SCUBE1: variants seen among roughly 807,000 people sequenced by gnomAD.
The protein encoded by SCUBE1 is signal peptide, CUB domain and EGF like domain containing 1, also known as signal peptide, CUB and EGF-like domain-containing protein 1.
Under a neutral mutation model 124.4 loss-of-function variants are expected in SCUBE1, and 59 were observed. That is an observed-to-expected ratio of 0.47 (90% CI 0.38 to 0.59). The LOEUF (loss-of-function observed/expected upper bound fraction) is 0.59. Among genes scored for constraint, SCUBE1 ranks in the 20% least tolerant of loss-of-function variants. SCUBE1 has a pLI of 0.00. For missense variants in SCUBE1, 1,150 were observed against 1,371.2 expected (o/e 0.84, Z 2.55); for synonymous variants, 545 against 550.9 (o/e 0.99, Z 0.15).
At chr22:43,222,423 C>T (rs967531401) in intron 12 of SCUBE1, among the ~76,000 whole-genome samples, 1 of 152,248 alleles carries the variant, frequency 6.6e-6, no homozygotes, top group Non-Finnish European at 1.5e-5. Flanking sequence ...AAGGGCCCTC[C>T]CACGGTCCCC....
In SCUBE1 at chr22:43,203,600, T is replaced by G. The variant is rs1422737951; in HGVS notation, c.*397A>C. 1 of 170,830 alleles carries G rather than the reference T, an allele frequency of 5.9e-6. No individual in the cohort carries two copies. The highest frequency in any genetic ancestry group is 1.3e-5 in the Non-Finnish European group (1 of 79,702). The allele number at this position is 170,830 out of a possible 1,614,324, so 10.6% of individuals were successfully genotyped here. A position where few individuals can be genotyped will look rare whatever the true frequency, so the allele number is the denominator to read the frequency against. On this transcript the variant is annotated 3_prime_UTR_variant, in exon 22 of 22. Transcript: ENST00000360835. ...ATCGACCTCCCCCAGACGGCGCCTT[T>G]GTCCCCTCCTCTCTCCCCTGGACTC...
At chr22:43,237,115 G>T (rs981968083) in intron 7 of SCUBE1, among the ~76,000 whole-genome samples, 2 of 145,448 alleles carry the variant, frequency 1.4e-5, no homozygotes, top group African/African-American at 5.1e-5. Flanking sequence ...GGTGGGGGGG[G>T]TTGGGGGGTT....
chr22:43,273,561 C>T (rs866433666), intron 4 of SCUBE1, among the ~76,000 whole-genome samples: 71 of 60,952 alleles, frequency 1.2e-3, no homozygotes, highest in Admixed American at 1.7e-3. Context: ...CTAAAACCCT[C>T]TTTTTTTTTT....
At chr22:43,274,005 T>C (rs1027032945) in intron 4 of SCUBE1, among the ~76,000 whole-genome samples, 5 of 152,184 alleles carry the variant, frequency 3.3e-5, no homozygotes, top group African/African-American at 1.2e-4. Flanking sequence ...GCTCCTCACC[T>C]GGAGCCCCTG....
At chr22:43,239,297 C>T (rs376275270) in intron 6 of SCUBE1, among the ~76,000 whole-genome samples, 7 of 152,332 alleles carry the variant, frequency 4.6e-5, no homozygotes, top group South Asian at 4.1e-4. Context: ...TTTAACTGCC[C>T]GAGGCTGGAT....
intron 4 of SCUBE1, chr22:43,270,140 A>G (rs932752674): frequency 2.6e-5 from 4 of 152,262 alleles, no homozygotes; most frequent in Admixed American, 2.6e-4. Flanking sequence ...AGTACTTCAC[A>G]CAAACTTTGT....
intron 8 of SCUBE1, among the ~76,000 whole-genome samples, chr22:43,231,054 G>C (rs550672007): frequency 1.3e-5 from 2 of 152,314 alleles, no homozygotes; most frequent in East Asian, 3.9e-4. Context: ...CTTTCTCCCA[G>C]TGTGGGGCCC....
intron 3 of SCUBE1, among the ~76,000 whole-genome samples, chr22:43,302,412 C>G (rs991775195): frequency 2.0e-5 from 3 of 152,312 alleles, no homozygotes; most frequent in Non-Finnish European, 4.4e-5. Flanking sequence ...GATCCCCTAC[C>G]GAACTACATT....
intron 10 of SCUBE1, among the ~76,000 whole-genome samples, chr22:43,226,121 G>T (rs1410468286): frequency 6.6e-6 from 1 of 152,080 alleles, no homozygotes; most frequent in African/African-American, 2.4e-5. Flanking sequence ...TGATTGTCAG[G>T]GTCTGTTCCA....
At chr22:43,310,308 G>A (rs898895692) in intron 3 of SCUBE1, among the ~76,000 whole-genome samples, 2 of 152,034 alleles carry the variant, frequency 1.3e-5, no homozygotes, top group African/African-American at 2.4e-5. Context: ...CCCTTACCCC[G>A]GGCAGACCTC....
intron 4 of SCUBE1, chr22:43,283,639 T>C (rs1223899214): frequency 6.6e-6 from 1 of 152,220 alleles, no homozygotes; most frequent in African/African-American, 2.4e-5. Flanking sequence ...TGGATCCGTA[T>C]GTCATAAATG....
chr22:43,198,523 G>A lies in SCUBE1; in HGVS notation c.*5474C>T, dbSNP rs1001098493. ...GTGCTGTGGGGGCAGAGGCAGCCGC[G>A]GTAGAATAGGAGGCGCTCTCTGCTC... On this transcript the variant is annotated 3_prime_UTR_variant, in exon 22 of 22. Coordinates refer to ENST00000360835, the MANE Select transcript of SCUBE1 (RefSeq NM_173050.5). The A allele has an allele frequency of 1.8e-5, 8 of 456,402 alleles. No homozygotes were observed. The highest frequency in any genetic ancestry group is 3.5e-5 in the Non-Finnish European group (8 of 226,866). 28.3% of individuals were successfully genotyped at this position (456,402 alleles called of 1,614,324 possible).
chr22:43,309,152 T>A (rs73166104), intron 3 of SCUBE1, among the ~76,000 whole-genome samples: 5,517 of 152,128 alleles, frequency 0.036, 159 homozygotes, highest in Middle Eastern at 0.11. Context: ...GGTATATCCA[T>A]TTTCCCTAAA....
Position 43,210,140 on chromosome 22 carries a change from G to C in SCUBE1, c.2484C>G (p.Ile828Met). ...YPANAECVWH[I>M]APPPKRRILI... is the part of the protein sequence containing the mutation. ...GGATCCTGCGCTTTGGGGGAGGCGC[G>C]ATGTGCCAGACGCATTCAGCGTTGG... Residue 828 changes from isoleucine to methionine, a missense_variant, in exon 19 of 22, where the codon ATC (isoleucine) becomes ATG (methionine). Coordinates refer to ENST00000360835, the MANE Select transcript of SCUBE1 (RefSeq NM_173050.5). The surrounding 1 kb of genome is among the most constrained non-coding windows in gnomAD (Gnocchi z 4.5). The C allele has an allele frequency of 6.2e-7, 1 of 1,612,216 alleles. No homozygotes were observed.
rs113386696 is a variant in SCUBE1, at chr22:43,211,862, T to C, written c.2221+563A>G. On this transcript the variant is annotated intron_variant, in intron 17 of 21. Transcript: ENST00000360835. This position sits in a 1 kb window ranked among gnomAD's most constrained non-coding sequence, Gnocchi z 4.5. ...GGGCAAATTCAGAACAGTTTGTATGTGCAGGGGAGTATCTGGTGATGTGGC... is the reference window on the plus strand; with the variant it reads ...GGGCAAATTCAGAACAGTTTGTATGCGCAGGGGAGTATCTGGTGATGTGGC... Among the ~76,000 whole-genome samples the C allele has an allele frequency of 6.6e-6, 1 of 152,072 alleles. No individual in the cohort carries two copies. Among genetic ancestry groups the C allele is most frequent in the African/African-American group, 2.4e-5 (1 of 41,384 alleles).
At chr22:43,332,113 C>T (rs9620135) in intron 2 of SCUBE1, among the ~76,000 whole-genome samples, 3,183 of 152,144 alleles carry the variant, frequency 0.021, 125 homozygotes, top group African/African-American at 0.073. Context: ...ATGGTGAAAC[C>T]CCATCTCTAC....
At chr22:43,321,060 G>A (rs138614941) in intron 2 of SCUBE1, among the ~76,000 whole-genome samples, 2 of 152,210 alleles carry the variant, frequency 1.3e-5, no homozygotes, top group Non-Finnish European at 2.9e-5. Context: ...GAGACACGAT[G>A]GGGAGAGAGG....
chr22:43,208,236 G>A lies in SCUBE1; in HGVS notation c.2582-12C>T, dbSNP rs753673217. 1.9e-6 allele frequency: 3 copies of A among 1,613,542 alleles called. No individual in the cohort carries two copies. Among genetic ancestry groups the A allele is most frequent in the African/African-American group, 1.3e-5 (1 of 74,968 alleles). Reference sequence around the variant, plus strand: ...GGACGTGGGAGAGGCTGCGGGTGAAGCATCATTGCTGAGCTGCCACAGGTA... The same window carrying A: ...GGACGTGGGAGAGGCTGCGGGTGAAACATCATTGCTGAGCTGCCACAGGTA... On this transcript the variant is annotated splice_polypyrimidine_tract_variant and intron_variant, in intron 19 of 21. Coordinates refer to ENST00000360835, the MANE Select transcript of SCUBE1 (RefSeq NM_173050.5).
chr22:43,225,977 C>T (rs1360066049), intron 10 of SCUBE1, among the ~76,000 whole-genome samples: 1 of 152,208 alleles, frequency 6.6e-6, no homozygotes, highest in Non-Finnish European at 1.5e-5. Context: ...TGACTTTGTT[C>T]AGTGAGACTT....
Sources: gnomAD v4.1 joint callset for allele counts (sites outside exome capture counted in the v4.1 genomes callset) on GRCh38, gnomAD v4.1.1 for gene constraint, Gnocchi (gnomAD v3.1) non-coding constraint, MANE v1.5 for transcripts, NCBI Gene and HGNC (gene_info 2026-07-23, HGNC 2026-07-21) for gene names.